FER: variants seen among roughly 807,000 people sequenced by gnomAD.
FER encodes the protein FER tyrosine kinase, also known as tyrosine-protein kinase Fer.
A neutral mutation model predicts 111.0 loss-of-function variants in FER; 63 were observed. The observed-to-expected ratio is 0.57, with a 90% CI of 0.46 to 0.70. The LOEUF (loss-of-function observed/expected upper bound fraction) is 0.70, where lower values mean the gene tolerates loss of function less well. FER is among the 30% of genes least tolerant of loss of function. FER has a pLI of 0.00. For synonymous variants in FER, 327 were observed against 313.9 expected (o/e 1.04, Z -0.44); for missense variants, 914 against 954.0 (o/e 0.96, Z 0.55).
chr5:108,899,824 G>A (rs961970198), intron 10 of FER, among the ~76,000 whole-genome samples: 1 of 151,106 alleles, frequency 6.6e-6, no homozygotes, highest in Non-Finnish European at 1.5e-5. Context: ...AAAAAATTCT[G>A]ATCATCTGGA....
chr5:109,186,462 T>C, intron 19 of FER, 140 bp downstream of exon 19: 3 of 1,209,648 alleles, frequency 2.5e-6, no homozygotes, highest in Non-Finnish European at 2.4e-6. Context: ...CAGAAGCAGA[T>C]TTATCTAACA....
At chr5:109,142,573 C>G (rs943535091) in intron 17 of FER, among the ~76,000 whole-genome samples, 1 of 152,130 alleles carries the variant, frequency 6.6e-6, no homozygotes, top group Non-Finnish European at 1.5e-5. Context: ...TAAGCAACCA[C>G]TGTACGACAG....
At position 109,047,180 on chromosome 5, in the gene FER, A is replaced by G. The variant is rs753091722; in HGVS notation, c.1906A>G (p.Ile636Val). The G allele has an allele frequency of 1.3e-6, 2 of 1,599,970 alleles. No homozygotes were observed. The highest frequency in any genetic ancestry group is 1.7e-6 in the Non-Finnish European group (2 of 1,171,678). ...CACACAAAGACAGCCTGTCTACATC[A>G]TTATGGAACTGGTTTCAGGTAATGT... ...VCTQRQPVYI[I>V]MELVSGGDFL... The change falls in exon 16 of 20, where the codon ATT becomes GTT. Residue 636 changes from isoleucine to valine, a missense_variant. Around this residue, in one of 3 missense-constraint regions of FER, gnomAD observed 774 missense variants for 782.6 expected, o/e 0.99. Coordinates refer to ENST00000281092, the MANE Select transcript of FER (RefSeq NM_005246.4).
At chr5:109,054,260 T>G (rs1026454820) in intron 16 of FER, among the ~76,000 whole-genome samples, 3 of 152,234 alleles carry the variant, frequency 2.0e-5, no homozygotes, top group Non-Finnish European at 4.4e-5. Flanking sequence ...CAGCAGTCTA[T>G]GATAGTTTCA....
At chr5:109,146,367 C>T (rs1754220396) in intron 17 of FER, among the ~76,000 whole-genome samples, 1 of 143,182 alleles carries the variant, frequency 7.0e-6, no homozygotes, top group Non-Finnish European at 1.5e-5. Context: ...TCTTTCTCCC[C>T]TTGGGAGCAC....
At chr5:108,923,268 G>A (rs1006964784) in intron 10 of FER, among the ~76,000 whole-genome samples, 140 of 151,974 alleles carry the variant, frequency 9.2e-4, no homozygotes, top group Middle Eastern at 3.4e-3. Context: ...AATGGTTGTT[G>A]CGGACAATAA....
intron 13 of FER, among the ~76,000 whole-genome samples, chr5:108,984,326 G>A (rs956934470): frequency 3.3e-5 from 5 of 152,072 alleles, no homozygotes; most frequent in African/African-American, 1.2e-4. Context: ...AATTCTATTA[G>A]TCAAGTTAAT....
At chr5:108,996,772 A>G (rs962537077) in intron 13 of FER, among the ~76,000 whole-genome samples, 1 of 152,128 alleles carries the variant, frequency 6.6e-6, no homozygotes, top group African/African-American at 2.4e-5. Context: ...TATGCAATTT[A>G]AAGTAGTTTT....
At chr5:108,854,423 C>T (rs140673680) in intron 5 of FER, among the ~76,000 whole-genome samples, 2 of 152,288 alleles carry the variant, frequency 1.3e-5, no homozygotes, top group East Asian at 3.9e-4. Flanking sequence ...AAATTGTTTA[C>T]AGTTGTGAAA....
chr5:109,048,443 C>G (rs1019218576), intron 16 of FER, among the ~76,000 whole-genome samples: 15 of 152,184 alleles, frequency 9.9e-5, no homozygotes, highest in African/African-American at 3.6e-4. Context: ...CTGAAAAACT[C>G]AGATTTGGGA....
intron 2 of FER, among the ~76,000 whole-genome samples, chr5:108,788,609 C>T (rs1007721567): frequency 2.0e-5 from 3 of 151,228 alleles, no homozygotes; most frequent in Non-Finnish European, 2.9e-5. Context: ...TAATTTCTAT[C>T]CTTTGGTTGG....
intron 17 of FER, among the ~76,000 whole-genome samples, chr5:109,119,296 A>C (rs1204440950): frequency 6.6e-6 from 1 of 152,162 alleles, no homozygotes; most frequent in Non-Finnish European, 1.5e-5. Flanking sequence ...CAGGTTGTTC[A>C]GTTTCCATGT....
At chr5:109,164,286 T>C (rs1756309200) in intron 17 of FER, among the ~76,000 whole-genome samples, 1 of 152,210 alleles carries the variant, frequency 6.6e-6, no homozygotes, top group Non-Finnish European at 1.5e-5. Flanking sequence ...TAATTGCTGA[T>C]TGTTTTCACA....
intron 10 of FER, among the ~76,000 whole-genome samples, chr5:108,924,360 CAAAAAAAA>C (rs59469649): frequency 1.0e-5 from 1 of 99,064 alleles, no homozygotes. Context: ...AACTCTGTCT[CAAAAAAAA>C]AAAAAAAAAA....
At chr5:109,072,680 C>G (rs1357880040) in intron 16 of FER, among the ~76,000 whole-genome samples, 1 of 151,816 alleles carries the variant, frequency 6.6e-6, no homozygotes, top group Admixed American at 6.6e-5. Flanking sequence ...GAAATCTGCT[C>G]GAAGATGAGC....
chr5:108,828,952 AAG>A (rs1266299271), intron 3 of FER, among the ~76,000 whole-genome samples: 4 of 152,154 alleles, frequency 2.6e-5, no homozygotes, highest in African/African-American at 7.2e-5. Context: ...AAAAAAGAAA[AAG>A]AATTATCTTC....
chr5:108,796,865 C>A (rs1353366529), intron 2 of FER, among the ~76,000 whole-genome samples: 2 of 152,032 alleles, frequency 1.3e-5, no homozygotes, highest in African/African-American at 2.4e-5. Context: ...TGCTCTACCC[C>A]ACTGTGTTCG....
intron 9 of FER, among the ~76,000 whole-genome samples, chr5:108,886,476 T>C (rs1747191061): frequency 6.7e-6 from 1 of 150,308 alleles, no homozygotes; most frequent in South Asian, 2.1e-4. Context: ...TGTACATATA[T>C]ATATATGTTA....
At chr5:108,845,651 A>G (rs1761960711) in intron 5 of FER, among the ~76,000 whole-genome samples, 1 of 151,776 alleles carries the variant, frequency 6.6e-6, no homozygotes, top group Admixed American at 6.6e-5. Context: ...ATCCTCCAGT[A>G]TGATATTGAA....
Sources: allele counts gnomAD v4.1 joint callset (sites outside exome capture counted in the v4.1 genomes callset), GRCh38; gene constraint gnomAD v4.1.1; regional missense constraint gnomAD v4.1.1; transcripts MANE v1.5; gene names NCBI Gene and HGNC (gene_info 2026-07-23, HGNC 2026-07-21).